Variants in MYT1 observed in about 807,000 individuals in gnomAD.
MYT1 encodes the protein myelin transcription factor 1.
A neutral mutation model predicts 123.0 loss-of-function variants in MYT1; 23 were observed. The ratio of observed to expected loss-of-function variants is 0.19; its 90% CI spans 0.13 to 0.26. MYT1 has a LOEUF of 0.26. Among genes scored for constraint, MYT1 ranks in the 10% least tolerant of loss-of-function variants. The pLI is 1.00. For synonymous variants in MYT1, 518 were observed against 575.3 expected (o/e 0.90, Z 1.43); for missense variants, 1,125 against 1,472.5 (o/e 0.76, Z 3.86).
chr20:64,186,996 C>T lies in MYT1; in HGVS notation c.-98-3067C>T, dbSNP rs866075756. Among the ~76,000 whole-genome samples, 5 of 140,532 alleles carry T rather than the reference C, an allele frequency of 3.6e-5. No homozygotes were observed. Among genetic ancestry groups the T allele is most frequent in the Middle Eastern group, 5.0e-3 (1 of 202 alleles). 92.2% of individuals were successfully genotyped at this position (140,532 alleles called of 152,430 possible). On this transcript the variant is annotated intron_variant, in intron 1 of 22. Transcript: ENST00000328439. This position sits in a 1 kb window ranked among gnomAD's most constrained non-coding sequence, Gnocchi z 4.3. ...GGAGAGTTTTCCTGTAGCCTGTGGC[C>T]CCGGCATCCACGTTTCCGTGGAGAG... is the stretch of plus-strand genomic sequence containing the variant.
chr20:64,232,342 G>T lies in MYT1; in HGVS notation c.2854G>T (p.Asp952Tyr). ...ACCGACCTGCCCCACCCCGGGCTGTGACGGCTCTGGCCACGCCAATGGGAG... is the reference window on the plus strand; with the variant it reads ...ACCGACCTGCCCCACCCCGGGCTGTTACGGCTCTGGCCACGCCAATGGGAG... Reference protein sequence around the residue: ...EGPTCPTPGCDGSGHANGSFL... With the variant: ...EGPTCPTPGCYGSGHANGSFL... Residue 952 changes from aspartate to tyrosine, a missense_variant, in exon 19 of 23, where the codon GAC (aspartate) becomes TAC (tyrosine). Transcript: ENST00000328439. This position sits in a 1 kb window ranked among gnomAD's most constrained non-coding sequence, Gnocchi z 6.9. 1 of 1,613,046 alleles carries T rather than the reference G, an allele frequency of 6.2e-7. No individual in the cohort carries two copies.
chr20:64,182,530 T>C (rs1332626482), intron 1 of MYT1, among the ~76,000 whole-genome samples: 1 of 152,208 alleles, frequency 6.6e-6, no homozygotes, highest in Admixed American at 6.5e-5. Flanking sequence ...TCGCCTTCCT[T>C]TGGCCCTGTT....
Position 64,240,549 on chromosome 20 carries a change from G to A in MYT1, c.*101G>A. The A allele has an allele frequency of 6.9e-7, 1 of 1,451,942 alleles. No individual in the cohort carries two copies. Among genetic ancestry groups the A allele is most frequent in the East Asian group, 2.5e-5 (1 of 40,302 alleles). The allele number at this position is 1,451,942 out of a possible 1,614,324, so 89.9% of individuals were successfully genotyped here. A position where few individuals can be genotyped will look rare whatever the true frequency, so the allele number is the denominator to read the frequency against. Reference sequence around the variant, plus strand: ...CCCAACTCACAGTGACTTCCCGTTTGGGGCCCGGTGTGGCCGCGGGCGGGT... The same window carrying A: ...CCCAACTCACAGTGACTTCCCGTTTAGGGCCCGGTGTGGCCGCGGGCGGGT... On this transcript the variant is annotated 3_prime_UTR_variant, in exon 23 of 23. Coordinates refer to ENST00000328439, the MANE Select transcript of MYT1 (RefSeq NM_004535.3).
At position 64,191,664 on chromosome 20, in the gene MYT1, T is replaced by C. The variant is rs1185551109; in HGVS notation, c.-1+1504T>C. 2.6e-5 allele frequency: 4 copies of C among 152,180 alleles called. No individual in the cohort carries two copies. The East Asian group carries it at 7.7e-4, about 29-fold the overall frequency. 9.4% of individuals were successfully genotyped at this position (152,180 alleles called of 1,614,324 possible). A position where few individuals can be genotyped will look rare whatever the true frequency, so the allele number is the denominator to read the frequency against. On this transcript the variant is annotated intron_variant, in intron 2 of 22. Coordinates refer to ENST00000328439, the MANE Select transcript of MYT1 (RefSeq NM_004535.3). The surrounding 1 kb of genome is among the most constrained non-coding windows in gnomAD (Gnocchi z 4.1). ...AATCTGGTGGCGAGAATGTACATTT[T>C]AATGGGTCTGTTATAGACAACTTGC...
rs1002965018 is a variant in MYT1 at position 64,232,705 on chromosome 20, G to A, written c.2897+320G>A. On this transcript the variant is annotated intron_variant, in intron 19 of 22. Transcript: ENST00000328439. This position sits in a 1 kb window ranked among gnomAD's most constrained non-coding sequence, Gnocchi z 6.9. ...GCAGAGCCCTGGGTCTGACACTTAC[G>A]TTCTCTTAACAGGCTGACAACTTCT... Among the ~76,000 whole-genome samples, 9 of 149,726 alleles carry A rather than the reference G, an allele frequency of 6.0e-5. No individual in the cohort carries two copies. Among genetic ancestry groups the A allele is most frequent in the South Asian group, 4.1e-4 (2 of 4,824 alleles).
At position 64,198,922 on chromosome 20, in the gene MYT1, T is replaced by G; in HGVS notation, c.55+6T>G. 6.2e-7 allele frequency: 1 copy of G among 1,613,780 alleles called. No homozygotes were observed. The highest frequency in any genetic ancestry group is 8.5e-7 in the Non-Finnish European group (1 of 1,179,780). On this transcript the variant is annotated splice_donor_region_variant and intron_variant, in intron 3 of 22. Coordinates refer to ENST00000328439, the MANE Select transcript of MYT1 (RefSeq NM_004535.3). ...CCGATCCAAGGCCCTGCGAGGTGAGTGCCGCCCTCCCCTCCTCCAGGGCTG... is the reference window on the plus strand; with the variant it reads ...CCGATCCAAGGCCCTGCGAGGTGAGGGCCGCCCTCCCCTCCTCCAGGGCTG...
At chr20:64,209,647 A>G (rs1485955678) in intron 7 of MYT1, among the ~76,000 whole-genome samples, 1 of 152,084 alleles carries the variant, frequency 6.6e-6, no homozygotes, top group African/African-American at 2.4e-5. Flanking sequence ...ACGAACCAAA[A>G]ATGCAGGAGA....
intron 16 of MYT1, among the ~76,000 whole-genome samples, chr20:64,225,255 A>G (rs708626): frequency 0.41 from 62,826 of 152,154 alleles, 13,287 homozygotes; most frequent in African/African-American, 0.49. Flanking sequence ...GTGAGGCGGC[A>G]TCGGGCACTG....
At position 64,211,213 on chromosome 20, in the gene MYT1, A is replaced by G. The variant is rs763951467; in HGVS notation, c.1299A>G (p.Ser433=). The change falls in exon 8 of 23, where the codon TCA becomes TCG. Residue 433 remains serine, a synonymous_variant. Transcript: ENST00000328439. ...VRKSYYSKDP[S]RAEKREIKCP... is the part of the protein sequence containing the mutation. ...GTGACTTGTGTGTTTTAGATCCTTC[A>G]AGAGCTGAGAAGCGTGAGATCAAGT... 6.2e-7 allele frequency: 1 copy of G among 1,613,062 alleles called. No individual in the cohort carries two copies. The highest frequency in any genetic ancestry group is 2.2e-5 in the East Asian group (1 of 44,852).
In MYT1 at chr20:64,212,182, CCG is replaced by C. The variant is rs1983688482; in HGVS notation, c.1517+45_1517+46del. ...GCCGTAGTGGGGGCCAGGGTGGGGG[CCG>C]TGGTGGGGGCCAGGGTGGGGGCCGT... is the stretch of plus-strand genomic sequence containing the variant. On this transcript the variant is annotated intron_variant, in intron 9 of 22. Coordinates refer to ENST00000328439, the MANE Select transcript of MYT1 (RefSeq NM_004535.3). The surrounding 1 kb of genome is among the most constrained non-coding windows in gnomAD (Gnocchi z 6.8). 2.8e-6 allele frequency: 2 copies of C among 714,006 alleles called. No homozygotes were observed. Among genetic ancestry groups the C allele is most frequent in the African/African-American group, 3.6e-5 (1 of 27,756 alleles). The allele number at this position is 714,006 out of a possible 1,614,324, so 44.2% of individuals were successfully genotyped here. A position where few individuals can be genotyped will look rare whatever the true frequency, so the allele number is the denominator to read the frequency against.
At chr20:64,180,577 T>TC (rs1292115927) in intron 1 of MYT1, among the ~76,000 whole-genome samples, 1 of 152,182 alleles carries the variant, frequency 6.6e-6, no homozygotes, top group African/African-American at 2.4e-5. Flanking sequence ...GGACACCTTC[T>TC]CCCCTGCAAG....
Position 64,189,814 on chromosome 20 carries a change from G to A in MYT1, c.-98-249G>A, listed in dbSNP as rs1224270812. Among the ~76,000 whole-genome samples, 5 of 152,152 alleles carry A rather than the reference G, an allele frequency of 3.3e-5. No homozygotes were observed. Among genetic ancestry groups the A allele is most frequent in the Non-Finnish European group, 7.3e-5 (5 of 68,034 alleles). On this transcript the variant is annotated intron_variant, in intron 1 of 22. Transcript: ENST00000328439. The surrounding 1 kb of genome is among the most constrained non-coding windows in gnomAD (Gnocchi z 5.5). ...TCAGTGGGAACCAACACCTAGAGCT[G>A]GGACAACAGTGCAGGGGACTGCAGG...
In MYT1 at chr20:64,232,034, C is replaced by T. The variant is rs934411334; in HGVS notation, c.2676-130C>T. ...CTGAGGCTCCAGGACCTCAGCGGCC[C>T]TCCCTGCCTCACTCAGAAGCCCTTT... On this transcript the variant is annotated intron_variant, in intron 18 of 22. Transcript: ENST00000328439. The surrounding 1 kb of genome is among the most constrained non-coding windows in gnomAD (Gnocchi z 6.9). The T allele has an allele frequency of 1.9e-5, 17 of 891,352 alleles. No homozygotes were observed. In the African/African-American group the frequency reaches 2.7e-4, roughly 14 times the overall value. The allele number at this position is 891,352 out of a possible 1,614,324, so 55.2% of individuals were successfully genotyped here.
rs1369170300 is a variant in MYT1, at chr20:64,196,124, C to CA, written c.1-2732dup. Among the ~76,000 whole-genome samples the CA allele has an allele frequency of 2.6e-5, 4 of 151,842 alleles. No homozygotes were observed. Among genetic ancestry groups the CA allele is most frequent in the African/African-American group, 9.6e-5 (4 of 41,462 alleles). ...GTCACCGGGCTATCTGTGGGTTGCG[C>CA]AAAAAAGGGACCTGGTTGGCTTGTG... is the stretch of plus-strand genomic sequence containing the variant. On this transcript the variant is annotated intron_variant, in intron 2 of 22. Transcript: ENST00000328439. This position sits in a 1 kb window ranked among gnomAD's most constrained non-coding sequence, Gnocchi z 4.3.
At chr20:64,220,485 A>G (rs1983968377) in intron 13 of MYT1, among the ~76,000 whole-genome samples, 1 of 152,188 alleles carries the variant, frequency 6.6e-6, no homozygotes, top group Non-Finnish European at 1.5e-5. Flanking sequence ...CCAACCTGGC[A>G]TGGGTGCTGG....
At chr20:64,234,656 G>A (rs867631201) in intron 19 of MYT1, among the ~76,000 whole-genome samples, 3 of 150,878 alleles carry the variant, frequency 2.0e-5, no homozygotes, top group Middle Eastern at 3.5e-3. Flanking sequence ...GCCGTGGTGG[G>A]TGACCCTGGG....
At chr20:64,173,276 C>A (rs351890) in intron 1 of MYT1, among the ~76,000 whole-genome samples, 129,100 of 152,030 alleles carry the variant, frequency 0.85, 54,909 homozygotes, top group East Asian at 0.97. Flanking sequence ...GAGGGTCAGG[C>A]CTCAAGCAGC....
At chr20:64,239,980 C>T (rs539088626) in intron 22 of MYT1, 77 bp downstream of exon 22, 6 of 1,564,500 alleles carry the variant, frequency 3.8e-6, no homozygotes, top group Non-Finnish European at 5.2e-6. Context: ...CAGGGCATCT[C>T]CCACCCCCTC....
In MYT1 at chr20:64,221,739, A is replaced by G. The variant is rs1213473455; in HGVS notation, c.2242-154A>G. Among the ~76,000 whole-genome samples, 3 of 151,644 alleles carry G rather than the reference A, an allele frequency of 2.0e-5. No homozygotes were observed. The East Asian group carries it at 5.8e-4, about 29-fold the overall frequency. ...TTGTCTTCTGTGTTTTGCTGGGGGGAGTTAAGTCTTCCTCCCTTATCCAGA... is the reference window on the plus strand; with the variant it reads ...TTGTCTTCTGTGTTTTGCTGGGGGGGGTTAAGTCTTCCTCCCTTATCCAGA... On this transcript the variant is annotated intron_variant, in intron 13 of 22. Coordinates refer to ENST00000328439, the MANE Select transcript of MYT1 (RefSeq NM_004535.3).
Sources: allele counts gnomAD v4.1 joint callset (sites outside exome capture counted in the v4.1 genomes callset), GRCh38; gene constraint gnomAD v4.1.1; non-coding constraint Gnocchi (gnomAD v3.1); transcripts MANE v1.5; gene names NCBI Gene and HGNC (gene_info 2026-07-23, HGNC 2026-07-21).